The following IL1RAPL1 variants were observed in gnomAD, a reference collection of about 807,000 sequenced individuals.
The protein encoded by IL1RAPL1 is interleukin 1 receptor accessory protein like 1.
A neutral mutation model predicts 48.4 loss-of-function variants in IL1RAPL1; 3 were observed. The observed-to-expected ratio is 0.06, with a 90% confidence interval of 0.03 to 0.16. IL1RAPL1 has a LOEUF of 0.16. Ranked by LOEUF, IL1RAPL1 falls within the 10% of genes least tolerant of loss-of-function variation. The pLI is 1.00. For synonymous variants in IL1RAPL1, 185 were observed against 187.7 expected (o/e 0.99, Z 0.12); for missense variants, 349 against 530.6 (o/e 0.66, Z 3.36).
chrX:28,772,699 A>G (rs1044273267), intron 1 of IL1RAPL1, among the ~76,000 whole-genome samples: 1 of 112,161 alleles, frequency 8.9e-6, no homozygotes, highest in African/African-American at 3.2e-5. Flanking sequence ...GGACTACTTG[A>G]ACCAAGTTAG....
intron 5 of IL1RAPL1, among the ~76,000 whole-genome samples, chrX:29,664,219 G>A (rs868168300): frequency 1.8e-5 from 2 of 110,646 alleles, no homozygotes; most frequent in African/African-American, 3.3e-5. Flanking sequence ...CCTGACTAAC[G>A]CGGTGAAACC....
At chrX:29,512,587 CTG>C (rs1935404907) in intron 5 of IL1RAPL1, among the ~76,000 whole-genome samples, 1 of 111,789 alleles carries the variant, frequency 8.9e-6, no homozygotes, top group African/African-American at 3.2e-5. Context: ...GAGAAAAAGA[CTG>C]TTTAGAAGGT....
intron 6 of IL1RAPL1, among the ~76,000 whole-genome samples, chrX:29,707,362 T>C (rs1004039189): frequency 4.5e-5 from 5 of 112,168 alleles, no homozygotes; most frequent in Non-Finnish European, 7.5e-5. Flanking sequence ...GTACAACCGC[T>C]ATGGAAAACA....
chrX:29,553,826 A>G (rs1474638552), intron 5 of IL1RAPL1, among the ~76,000 whole-genome samples: 1 of 111,197 alleles, frequency 9.0e-6, no homozygotes, highest in Admixed American at 9.6e-5. Context: ...TGTAGAGGCC[A>G]CCAGGAAATT....
At chrX:29,910,533 A>G (rs1294984588) in intron 6 of IL1RAPL1, among the ~76,000 whole-genome samples, 1 of 111,705 alleles carries the variant, frequency 9.0e-6, no homozygotes, top group Non-Finnish European at 1.9e-5. Context: ...AAGCAAGCCT[A>G]CAATAATTTA....
chrX:29,521,586 C>T (rs1935503617), intron 5 of IL1RAPL1, among the ~76,000 whole-genome samples: 1 of 112,554 alleles, frequency 8.9e-6, no homozygotes, highest in Admixed American at 9.4e-5. Flanking sequence ...ATCCTGCTTG[C>T]ATGCCTTTCA....
intron 6 of IL1RAPL1, among the ~76,000 whole-genome samples, chrX:29,728,675 T>A: frequency 8.9e-6 from 1 of 112,420 alleles, no homozygotes; most frequent in African/African-American, 3.2e-5. Context: ...AATAAGTTGC[T>A]CAGAGTCACT....
At chrX:29,765,202 T>C (rs767675061) in intron 6 of IL1RAPL1, among the ~76,000 whole-genome samples, 1 of 110,972 alleles carries the variant, frequency 9.0e-6, no homozygotes, top group East Asian at 2.8e-4. Flanking sequence ...AAACTCAGCT[T>C]TCAATTGTTT....
chrX:29,829,749 T>C (rs768625670), intron 6 of IL1RAPL1, among the ~76,000 whole-genome samples: 43 of 112,160 alleles, frequency 3.8e-4, no homozygotes, highest in African/African-American at 1.4e-3. Context: ...GTACCAAAAA[T>C]TATATTAATA....
At chrX:29,467,282 G>A (rs1934872689) in intron 5 of IL1RAPL1, among the ~76,000 whole-genome samples, 1 of 112,335 alleles carries the variant, frequency 8.9e-6, no homozygotes, top group Admixed American at 9.4e-5. Context: ...CACATATGGG[G>A]GCTTCCATTG....
At chrX:28,705,942 G>C (rs1039230087) in intron 1 of IL1RAPL1, among the ~76,000 whole-genome samples, 2 of 111,934 alleles carry the variant, frequency 1.8e-5, no homozygotes, top group African/African-American at 3.2e-5. Flanking sequence ...AAGCCCAGGT[G>C]CTGTGGTCAA....
intron 2 of IL1RAPL1, among the ~76,000 whole-genome samples, chrX:29,219,034 G>A (rs745530826): frequency 8.9e-6 from 1 of 111,797 alleles, no homozygotes; most frequent in East Asian, 2.8e-4. Context: ...TATGAAATGC[G>A]GTCTTTTGAG....
Position 29,759,364 on chromosome X carries a change from G to T in IL1RAPL1, c.778+90860G>T, listed in dbSNP as rs11095159. Among the ~76,000 whole-genome samples the T allele has an allele frequency of 3.6e-3, 404 of 111,686 alleles. 3 individuals are homozygous for T. The highest frequency in any genetic ancestry group is 0.012 in the African/African-American group (381 of 30,831). ...ATGACAACACTGCGTTTTCAAAATG[G>T]TTATTATTGATAGTACAAATACTCA... On this transcript the variant is annotated intron_variant, in intron 6 of 10. Coordinates refer to ENST00000378993, the MANE Select transcript of IL1RAPL1 (RefSeq NM_014271.4).
In IL1RAPL1 at chrX:28,743,735, C is replaced by CTTATTTAT. The variant is rs10659899; in HGVS notation, c.-24-45569_-24-45562dup. Among the ~76,000 whole-genome samples, 301 of 107,126 alleles carry CTTATTTAT rather than the reference C, an allele frequency of 2.8e-3. 1 individual carries two copies. The highest frequency in any genetic ancestry group is 9.8e-3 in the Middle Eastern group (2 of 205). The allele number at this position is 107,126 out of a possible 115,157, so 93.0% of individuals were successfully genotyped here. A position where few individuals can be genotyped will look rare whatever the true frequency, so the allele number is the denominator to read the frequency against. ...TTTTCCTGCTGAAACCATTCGTTTG[C>CTTATTTAT]TTATTTATTTATTTATTTATTTAAT... is the stretch of plus-strand genomic sequence containing the variant. On this transcript the variant is annotated intron_variant, in intron 1 of 10. Coordinates refer to ENST00000378993, the MANE Select transcript of IL1RAPL1 (RefSeq NM_014271.4).
At chrX:29,312,081 A>T (rs917954581) in intron 3 of IL1RAPL1, among the ~76,000 whole-genome samples, 8 of 111,924 alleles carry the variant, frequency 7.1e-5, no homozygotes, top group African/African-American at 2.3e-4. Context: ...GTGCAGAATC[A>T]AAATTTGTCA....
In IL1RAPL1 at chrX:28,749,224, G is replaced by C. The variant is rs779212367; in HGVS notation, c.-24-40096G>C. Among the ~76,000 whole-genome samples the C allele has an allele frequency of 3.6e-5, 4 of 112,048 alleles. No homozygotes were observed. The South Asian group carries it at 1.5e-3, about 42-fold the overall frequency. On this transcript the variant is annotated intron_variant, in intron 1 of 10. Transcript: ENST00000378993. ...TTGTGGATAGTGCTACAGTAAACAG[G>C]AGTGCAGATATCTCTTTGACGTACT...
intron 5 of IL1RAPL1, among the ~76,000 whole-genome samples, chrX:29,415,309 G>A (rs1364224927): frequency 8.9e-6 from 1 of 112,030 alleles, no homozygotes; most frequent in African/African-American, 3.2e-5. Flanking sequence ...AGATGTCTCA[G>A]TGTGATGATG....
intron 5 of IL1RAPL1, among the ~76,000 whole-genome samples, chrX:29,522,185 A>ACT (rs1220142323): frequency 1.8e-5 from 2 of 108,403 alleles, no homozygotes; most frequent in Non-Finnish European, 3.8e-5. Context: ...ACAGTATCTC[A>ACT]CTCTCTCTCT....
chrX:29,638,950 G>A (rs1302700862), intron 5 of IL1RAPL1, among the ~76,000 whole-genome samples: 2 of 111,842 alleles, frequency 1.8e-5, no homozygotes, highest in African/African-American at 6.5e-5. Flanking sequence ...ACTTTGGGAG[G>A]CTGAGACGGG....
Sources: allele counts gnomAD v4.1 joint callset (sites outside exome capture counted in the v4.1 genomes callset), GRCh38; gene constraint gnomAD v4.1.1; transcripts MANE v1.5; gene names NCBI Gene and HGNC (gene_info 2026-07-23, HGNC 2026-07-21).